Variants in TAF2 observed in about 807,000 individuals in gnomAD.
TAF2 encodes the protein TATA-box binding protein associated factor 2.
In TAF2, 61 loss-of-function variants were observed where a neutral mutation model predicts 138.5. That is an observed-to-expected ratio of 0.44 (90% CI 0.36 to 0.54). The LOEUF is 0.54. Among genes scored for constraint, TAF2 ranks in the 20% least tolerant of loss-of-function variants. TAF2 has a pLI of 0.00. For missense variants in TAF2, 1,090 were observed against 1,427.9 expected, an observed-to-expected ratio of 0.76 and a Z score of 3.81; for synonymous variants, 475 against 469.9, an observed-to-expected ratio of 1.01 and a Z score of -0.14.
intron 3 of TAF2, among the ~76,000 whole-genome samples, chr8:119,806,939 T>C (rs1446342824): frequency 6.6e-6 from 1 of 152,230 alleles, no homozygotes; most frequent in African/African-American, 2.4e-5. Context: ...CCAAGTTACA[T>C]GACTATTATT....
intron 1 of TAF2, 50 bp downstream of exon 1, chr8:119,832,432 T>C (rs1201996779): frequency 2.5e-6 from 4 of 1,579,478 alleles, no homozygotes; most frequent in Non-Finnish European, 8.7e-7. Context: ...CAAAATATAA[T>C]TAATGGCAAC....
At chr8:119,789,799 T>C in intron 11 of TAF2, 53 bp from the exon 12 acceptor site, 10 of 1,521,484 alleles carry the variant, frequency 6.6e-6, no homozygotes, top group Admixed American at 1.7e-5. Context: ...TTTTCAATTA[T>C]ATAGAATACT....
At chr8:119,803,079 C>G (rs1771738304) in intron 5 of TAF2, among the ~76,000 whole-genome samples, 1 of 151,946 alleles carries the variant, frequency 6.6e-6, no homozygotes, top group Non-Finnish European at 1.5e-5. Context: ...CCACTGCACT[C>G]CAGCCTGGAC....
chr8:119,751,364 T>G (rs1039670132), intron 22 of TAF2, among the ~76,000 whole-genome samples: 1 of 152,216 alleles, frequency 6.6e-6, no homozygotes, highest in African/African-American at 2.4e-5. Context: ...TCCTAATCTA[T>G]CTTTCCAGAT....
chr8:119,789,593 C>A lies in TAF2; in HGVS notation c.1567G>T (p.Val523Leu). 1 of 1,613,350 alleles carries A rather than the reference C, an allele frequency of 6.2e-7. No individual in the cohort carries two copies. The highest frequency in any genetic ancestry group is 8.5e-7 in the Non-Finnish European group (1 of 1,179,830). ...KDIQPLIKQW[V>L]DQSGVVKFYG... Reference sequence around the variant, plus strand: ...TTGAACTGCTATTGAAAAGGATACACCCACTGCTTTATTAACGGCTGAATA... The same window carrying A: ...TTGAACTGCTATTGAAAAGGATACAACCACTGCTTTATTAACGGCTGAATA... Residue 523 changes from valine to leucine, a missense_variant and splice_region_variant, in exon 12 of 26, where the codon GTA becomes TTA. Transcript: ENST00000378164.
chr8:119,768,838 G>A (rs1821628663), intron 18 of TAF2, among the ~76,000 whole-genome samples: 1 of 152,204 alleles, frequency 6.6e-6, no homozygotes, highest in South Asian at 2.1e-4. Flanking sequence ...GGCTGAGTGA[G>A]GAGTTCCAGC....
At position 119,788,273 on chromosome 8, in the gene TAF2, T is replaced by G. The variant is rs754860726; in HGVS notation, c.1793+65A>C. The G allele has an allele frequency of 2.2e-4, 309 of 1,424,772 alleles. 1 individual carries two copies. The highest frequency in any genetic ancestry group is 2.9e-4 in the Non-Finnish European group (295 of 1,009,740). 88.3% of individuals were successfully genotyped at this position (1,424,772 alleles called of 1,614,324 possible). A position where few individuals can be genotyped will look rare whatever the true frequency, so the allele number is the denominator to read the frequency against. On this transcript the variant is annotated intron_variant, in intron 14 of 25. Transcript: ENST00000378164. ...TTAGGTATACAAGAGAATTTTTATTTTGGCATTTTAGTCTGTGAGATTTGT... is the reference window on the plus strand; with the variant it reads ...TTAGGTATACAAGAGAATTTTTATTGTGGCATTTTAGTCTGTGAGATTTGT...
At chr8:119,767,803 G>A (rs1035990041) in intron 18 of TAF2, among the ~76,000 whole-genome samples, 3 of 152,204 alleles carry the variant, frequency 2.0e-5, no homozygotes, top group Non-Finnish European at 4.4e-5. Flanking sequence ...CAGTGCAGCC[G>A]CCCTGCCACT....
intron 10 of TAF2, 101 bp downstream of exon 10, chr8:119,793,265 A>C (rs1480880776): frequency 2.0e-6 from 2 of 1,018,666 alleles, no homozygotes; most frequent in Non-Finnish European, 3.0e-6. Context: ...AAAAAGGTTA[A>C]ATAAATTCTG....
At chr8:119,787,987 A>C (rs998555059) in intron 14 of TAF2, among the ~76,000 whole-genome samples, 2 of 152,156 alleles carry the variant, frequency 1.3e-5, no homozygotes, top group Non-Finnish European at 2.9e-5. Context: ...CGAACACAGG[A>C]ACAGAAAACC....
chr8:119,781,178 C>T lies in TAF2; in HGVS notation c.2128G>A (p.Val710Met). ...GCTGGTGGTCCTGTCCATGTGCTCA[C>T]CATTGAATTTGCAATCTGCAAATAA... ...FCLAKIANSM[V>M]STWTGPPAMK... is the part of the protein sequence containing the mutation. Residue 710 changes from valine (V) to methionine (M), a missense_variant, in exon 17 of 26, where the codon GTG becomes ATG. Coordinates refer to ENST00000378164, the MANE Select transcript of TAF2 (RefSeq NM_003184.4). 5 of 1,614,068 alleles carry T rather than the reference C, an allele frequency of 3.1e-6. No homozygotes were observed. The highest frequency in any genetic ancestry group is 4.2e-6 in the Non-Finnish European group (5 of 1,180,014).
At chr8:119,754,076 T>C (rs930391378) in intron 22 of TAF2, among the ~76,000 whole-genome samples, 4 of 152,214 alleles carry the variant, frequency 2.6e-5, no homozygotes, top group Non-Finnish European at 5.9e-5. Context: ...AATATTTTAG[T>C]ATAAACTGGT....
chr8:119,766,525 C>G (rs1301126661), intron 18 of TAF2, among the ~76,000 whole-genome samples: 1 of 152,178 alleles, frequency 6.6e-6, no homozygotes, highest in East Asian at 1.9e-4. Context: ...TATGGTGGCT[C>G]ACACCTGTAA....
chr8:119,802,535 G>C (rs1586482358), intron 5 of TAF2, among the ~76,000 whole-genome samples: 1 of 152,184 alleles, frequency 6.6e-6, no homozygotes, highest in East Asian at 1.9e-4. Context: ...GTTCAGTAAG[G>C]TGTTACGTGA....
chr8:119,814,817 G>A (rs529317831), intron 3 of TAF2, among the ~76,000 whole-genome samples: 1 of 151,566 alleles, frequency 6.6e-6, no homozygotes, highest in South Asian at 2.1e-4. Context: ...GCTGAGACAG[G>A]AGAATCGCTT....
intron 2 of TAF2, among the ~76,000 whole-genome samples, chr8:119,820,041 T>C (rs1825721882): frequency 6.6e-6 from 1 of 152,116 alleles, no homozygotes; most frequent in Non-Finnish European, 1.5e-5. Flanking sequence ...GAGCAGCAAA[T>C]ACATCACAGT....
chr8:119,753,226 T>C (rs1820472594), intron 22 of TAF2, among the ~76,000 whole-genome samples: 4 of 152,162 alleles, frequency 2.6e-5, no homozygotes, highest in Admixed American at 6.5e-5. Flanking sequence ...GCCCAGCCAG[T>C]TTATTTTTCT....
At chr8:119,812,717 T>TGG (rs1291105394) in intron 3 of TAF2, among the ~76,000 whole-genome samples, 4 of 103,768 alleles carry the variant, frequency 3.9e-5, no homozygotes, top group South Asian at 6.7e-4. Flanking sequence ...TAGTATTCCA[T>TGG]GGTGTGTGTG....
At chr8:119,818,041 C>T (rs1825587978) in intron 3 of TAF2, among the ~76,000 whole-genome samples, 1 of 152,200 alleles carries the variant, frequency 6.6e-6, no homozygotes, top group African/African-American at 2.4e-5. Context: ...TTTCCAATCC[C>T]ATTTGTGTAT....
Sources: gnomAD v4.1 joint callset for allele counts (sites outside exome capture counted in the v4.1 genomes callset) on GRCh38, gnomAD v4.1.1 for gene constraint, MANE v1.5 for transcripts, NCBI Gene and HGNC (gene_info 2026-07-23, HGNC 2026-07-21) for gene names.